Variants in MRAS observed in about 807,000 individuals in gnomAD.
MRAS encodes muscle RAS oncogene homolog.
A neutral mutation model predicts 20.9 loss-of-function variants in MRAS; 4 were observed. That is an observed-to-expected ratio of 0.19 (90% CI 0.09 to 0.44). The LOEUF is 0.44. MRAS is among the 20% of genes least tolerant of loss of function. The pLI is 0.99. For missense variants in MRAS, 154 were observed against 277.5 expected, an observed-to-expected ratio of 0.56 and a Z score of 3.16; for synonymous variants, 98 against 102.9, an observed-to-expected ratio of 0.95 and a Z score of 0.29.
intron 1 of MRAS, among the ~76,000 whole-genome samples, chr3:138,359,567 A>G (rs1436975113): frequency 2.0e-5 from 3 of 152,258 alleles, no homozygotes; most frequent in Non-Finnish European, 4.4e-5. Context: ...CATCTTAAAT[A>G]TAAATAATGA....
chr3:138,375,509 A>ATGTTTT (rs2054765491), intron 2 of MRAS, among the ~76,000 whole-genome samples: 1 of 152,202 alleles, frequency 6.6e-6, no homozygotes, highest in South Asian at 2.1e-4. Context: ...TTGTGGGAAG[A>ATGTTTT]TGTTTTTGTT....
At chr3:138,352,086 C>G (rs2054239915) in intron 1 of MRAS, among the ~76,000 whole-genome samples, 1 of 152,178 alleles carries the variant, frequency 6.6e-6, no homozygotes, top group African/African-American at 2.4e-5. Flanking sequence ...TTGTCATTGC[C>G]CAGCCTGTGA....
chr3:138,380,500 A>G (rs953106989), intron 2 of MRAS, among the ~76,000 whole-genome samples: 7 of 39,964 alleles, frequency 1.8e-4, no homozygotes, highest in Non-Finnish European at 3.0e-4. Flanking sequence ...TTTAGTAGGG[A>G]TGGGGTTTCC....
At chr3:138,348,834 T>G (rs1454063680) in intron 1 of MRAS, 67 bp downstream of exon 1, 1 of 151,362 alleles carries the variant, frequency 6.6e-6, no homozygotes, top group African/African-American at 2.4e-5. Flanking sequence ...CGGCCGTCGC[T>G]TTGTTCCGGG....
At chr3:138,372,772 G>C in intron 1 of MRAS, 94 bp from the exon 2 acceptor site, 1 of 883,772 alleles carries the variant, frequency 1.1e-6, no homozygotes, top group Non-Finnish European at 1.6e-6. Context: ...CTTTATAATT[G>C]AGAGTATTAC....
chr3:138,356,903 C>T (rs1420040808), intron 1 of MRAS, among the ~76,000 whole-genome samples: 2 of 152,214 alleles, frequency 1.3e-5, no homozygotes, highest in African/African-American at 2.4e-5. Context: ...CCCGTCCCCC[C>T]GTCCCACCCA....
At position 138,403,280 on chromosome 3, in the gene MRAS, C is replaced by A. The variant is rs9818870; in HGVS notation, c.*1011C>A. ...TGTGCTGCTTGGTGCCTCTCTGATA[C>A]GAATACACTGACACGTCAAAGTAAC... On this transcript the variant is annotated 3_prime_UTR_variant, in exon 6 of 6. Coordinates refer to ENST00000423968, the MANE Select transcript of MRAS (RefSeq NM_001085049.3). 3.3e-5 allele frequency: 5 copies of A among 152,164 alleles called. No individual in the cohort carries two copies. The highest frequency in any genetic ancestry group is 1.2e-4 in the African/African-American group (5 of 41,482). The allele number at this position is 152,164 out of a possible 1,614,324, so 9.4% of individuals were successfully genotyped here.
At chr3:138,374,055 T>C (rs1009848121) in intron 2 of MRAS, among the ~76,000 whole-genome samples, 1 of 151,968 alleles carries the variant, frequency 6.6e-6, no homozygotes, top group Non-Finnish European at 1.5e-5. Flanking sequence ...GCCTCTCGGG[T>C]TCAAGCAAAT....
chr3:138,397,019 C>G (rs2055250692), intron 2 of MRAS, among the ~76,000 whole-genome samples: 1 of 152,136 alleles, frequency 6.6e-6, no homozygotes, highest in African/African-American at 2.4e-5. Context: ...TCATCACTGG[C>G]TTCATGAGGC....
chr3:138,366,794 C>T (rs2054568375), intron 1 of MRAS, among the ~76,000 whole-genome samples: 1 of 152,212 alleles, frequency 6.6e-6, no homozygotes, highest in Non-Finnish European at 1.5e-5. Flanking sequence ...GCAGCTCCTT[C>T]TGGGCACCAT....
In MRAS at chr3:138,404,641, A is replaced by G. The variant is rs1042912881; in HGVS notation, c.*2372A>G. 6.6e-6 allele frequency: 1 copy of G among 152,190 alleles called. No individual in the cohort carries two copies. Among genetic ancestry groups the G allele is most frequent in the Admixed American group, 6.5e-5 (1 of 15,286 alleles). The allele number at this position is 152,190 out of a possible 1,614,324, so 9.4% of individuals were successfully genotyped here. ...GCTGTTGAGCCTCTGGTAAGCTTTC[A>G]TCTCCCATGAACTCATTTCCCCATA... On this transcript the variant is annotated 3_prime_UTR_variant, in exon 6 of 6. Transcript: ENST00000423968.
At chr3:138,398,769 G>A (rs146063033) in intron 4 of MRAS, among the ~76,000 whole-genome samples, 13 of 152,310 alleles carry the variant, frequency 8.5e-5, no homozygotes, top group Non-Finnish European at 7.4e-5. Context: ...GTAGAGACAG[G>A]TCCCCTAGAA....
At chr3:138,383,744 G>C (rs1313291480) in intron 2 of MRAS, among the ~76,000 whole-genome samples, 2 of 152,150 alleles carry the variant, frequency 1.3e-5, no homozygotes, top group Non-Finnish European at 2.9e-5. Flanking sequence ...GGGCTCTGAG[G>C]ACATAGCAAT....
chr3:138,391,093 A>G (rs879433993), intron 2 of MRAS, among the ~76,000 whole-genome samples: 5 of 152,126 alleles, frequency 3.3e-5, no homozygotes, highest in Non-Finnish European at 2.9e-5. Flanking sequence ...ATTTTTAGAT[A>G]TCAGCTACTT....
chr3:138,377,736 A>T (rs1375039379), intron 2 of MRAS, among the ~76,000 whole-genome samples: 4 of 152,154 alleles, frequency 2.6e-5, no homozygotes, highest in Non-Finnish European at 5.9e-5. Flanking sequence ...AGGGGATCTC[A>T]ACTCTGCAGT....
At chr3:138,377,255 A>C (rs12695685) in intron 2 of MRAS, among the ~76,000 whole-genome samples, 20,334 of 152,278 alleles carry the variant, frequency 0.13, 1,427 homozygotes, top group Non-Finnish European at 0.16. Flanking sequence ...TTCCTCGGGA[A>C]TAGACACCAG....
rs1015426791 is a variant in MRAS, at chr3:138,402,941, G to A, written c.*672G>A. 9.8e-5 allele frequency: 15 copies of A among 152,522 alleles called. No homozygotes were observed. The highest frequency in any genetic ancestry group is 9.8e-4 in the Admixed American group (15 of 15,276). The allele number at this position is 152,522 out of a possible 1,614,324, so 9.4% of individuals were successfully genotyped here. A position where few individuals can be genotyped will look rare whatever the true frequency, so the allele number is the denominator to read the frequency against. On this transcript the variant is annotated 3_prime_UTR_variant, in exon 6 of 6. Coordinates refer to ENST00000423968, the MANE Select transcript of MRAS (RefSeq NM_001085049.3). Reference sequence around the variant, plus strand: ...TCAGGCCATGGGTCAAACCTGGGAGGGAAAGAGACCCTACACATGGCCTAG... The same window carrying A: ...TCAGGCCATGGGTCAAACCTGGGAGAGAAAGAGACCCTACACATGGCCTAG...
chr3:138,381,025 GGC>G (rs2054892242), intron 2 of MRAS, among the ~76,000 whole-genome samples: 1 of 151,944 alleles, frequency 6.6e-6, no homozygotes, highest in Admixed American at 6.6e-5. Context: ...CACCCGCCTC[GGC>G]CTCCCAAAGT....
intron 1 of MRAS, chr3:138,349,219 C>T (rs1432439536): frequency 6.6e-6 from 1 of 152,350 alleles, no homozygotes; most frequent in Non-Finnish European, 1.5e-5. Context: ...CAGCCTGCTT[C>T]ATAAACAACC....
Sources: gnomAD v4.1 joint callset for allele counts (sites outside exome capture counted in the v4.1 genomes callset) on GRCh38, gnomAD v4.1.1 for gene constraint, MANE v1.5 for transcripts, NCBI Gene and HGNC (gene_info 2026-07-23, HGNC 2026-07-21) for gene names.